The following LRP1B variants were observed in gnomAD, a reference collection of about 807,000 sequenced individuals.
LRP1B encodes low-density lipoprotein receptor-related protein 1B.
In LRP1B, 217 loss-of-function variants were observed where a neutral mutation model predicts 556.6. The ratio of observed to expected loss-of-function variants is 0.39; its 90% CI spans 0.35 to 0.44. The LOEUF is 0.44. LRP1B is among the 20% of genes least tolerant of loss of function. LRP1B has a pLI of 1.00. For missense variants in LRP1B, 5,053 were observed against 5,620.8 expected (o/e 0.90, Z 3.23); for synonymous variants, 2,047 against 1,865.8 (o/e 1.10, Z -2.50).
chr2:140,647,573 G>A (rs946875878), intron 41 of LRP1B, among the ~76,000 whole-genome samples: 4 of 152,194 alleles, frequency 2.6e-5, no homozygotes, highest in African/African-American at 9.6e-5. Context: ...TGGGCATTCA[G>A]TCTAACCATG....
chr2:140,653,360 A>G (rs1175106039), intron 41 of LRP1B, among the ~76,000 whole-genome samples: 1 of 152,104 alleles, frequency 6.6e-6, no homozygotes, highest in Non-Finnish European at 1.5e-5. Flanking sequence ...TCTTAAGGGA[A>G]TATATTGGTG....
intron 2 of LRP1B, among the ~76,000 whole-genome samples, chr2:141,486,482 T>C (rs888291386): frequency 6.6e-6 from 1 of 152,120 alleles, no homozygotes; most frequent in African/African-American, 2.4e-5. Context: ...AGATAGCATG[T>C]TTTGTGGAGA....
chr2:140,656,328 C>G (rs1018539381), intron 41 of LRP1B, among the ~76,000 whole-genome samples: 1 of 152,142 alleles, frequency 6.6e-6, no homozygotes, highest in African/African-American at 2.4e-5. Flanking sequence ...GGTGATTGCA[C>G]ATTACTTTGG....
At chr2:140,734,396 G>C (rs917418970) in intron 35 of LRP1B, among the ~76,000 whole-genome samples, 2 of 152,184 alleles carry the variant, frequency 1.3e-5, no homozygotes, top group Non-Finnish European at 2.9e-5. Flanking sequence ...GAGAATGATA[G>C]AGAAGAGTCA....
intron 83 of LRP1B, among the ~76,000 whole-genome samples, chr2:140,301,239 G>T (rs1303030529): frequency 6.6e-6 from 1 of 151,806 alleles, no homozygotes; most frequent in Non-Finnish European, 1.5e-5. Flanking sequence ...AAACCAAAAA[G>T]CAAATCTAAT....
intron 21 of LRP1B, among the ~76,000 whole-genome samples, chr2:140,919,005 T>G (rs1026689520): frequency 6.6e-6 from 1 of 152,020 alleles, no homozygotes; most frequent in Non-Finnish European, 1.5e-5. Flanking sequence ...CTTAGTCATT[T>G]TGGGAGTAAT....
intron 7 of LRP1B, among the ~76,000 whole-genome samples, chr2:141,133,147 T>C (rs1701401704): frequency 6.6e-6 from 1 of 152,008 alleles, no homozygotes; most frequent in African/African-American, 2.4e-5. Flanking sequence ...GAAAGTCAGT[T>C]AGCACCACAG....
chr2:142,128,529 T>C (rs2105024281), intron 1 of LRP1B, among the ~76,000 whole-genome samples: 1 of 152,324 alleles, frequency 6.6e-6, no homozygotes, highest in South Asian at 2.1e-4. Context: ...TTTCTTAACT[T>C]TCAACAAGAT....
At chr2:140,504,400 G>T (rs984365742) in intron 53 of LRP1B, among the ~76,000 whole-genome samples, 2 of 152,068 alleles carry the variant, frequency 1.3e-5, no homozygotes, top group African/African-American at 2.4e-5. Flanking sequence ...CCTTCTGTAT[G>T]AAATCCTCTC....
intron 32 of LRP1B, among the ~76,000 whole-genome samples, chr2:140,811,790 T>C (rs766327869): frequency 6.6e-6 from 1 of 152,122 alleles, no homozygotes; most frequent in African/African-American, 2.4e-5. Flanking sequence ...TATGAAACAA[T>C]TGTCAATAAA....
At chr2:141,838,559 T>C (rs1317599333) in intron 1 of LRP1B, among the ~76,000 whole-genome samples, 1 of 152,184 alleles carries the variant, frequency 6.6e-6, no homozygotes, top group Non-Finnish European at 1.5e-5. Context: ...ATAGTCAACA[T>C]ATTTAGACAT....
At chr2:141,030,164 T>G (rs1383925249) in intron 11 of LRP1B, among the ~76,000 whole-genome samples, 1 of 152,148 alleles carries the variant, frequency 6.6e-6, no homozygotes, top group African/African-American at 2.4e-5. Flanking sequence ...GTTATGTTTC[T>G]GTGGCTAGTA....
intron 73 of LRP1B, 52 bp from the exon 74 acceptor site, chr2:140,358,168 T>C: frequency 6.5e-7 from 1 of 1,542,736 alleles, no homozygotes; most frequent in Non-Finnish European, 8.9e-7. Flanking sequence ...AAAACACTCT[T>C]ATTGAGCATG....
chr2:141,252,322 A>G (rs140150833), intron 4 of LRP1B, among the ~76,000 whole-genome samples: 56 of 152,264 alleles, frequency 3.7e-4, no homozygotes, highest in Middle Eastern at 3.4e-3. Flanking sequence ...CTAAGAAAAG[A>G]GCTTACCATG....
intron 3 of LRP1B, among the ~76,000 whole-genome samples, chr2:141,423,019 T>C (rs1680196545): frequency 6.6e-6 from 1 of 152,204 alleles, no homozygotes; most frequent in Non-Finnish European, 1.5e-5. Context: ...ATTACCTTTT[T>C]TTATGACAGG....
At chr2:140,553,625 C>T (rs1680625924) in intron 43 of LRP1B, among the ~76,000 whole-genome samples, 1 of 152,000 alleles carries the variant, frequency 6.6e-6, no homozygotes, top group African/African-American at 2.4e-5. Context: ...AAGATTGTAT[C>T]AGTTAAGCCT....
At chr2:141,711,503 C>T (rs1692355658) in intron 2 of LRP1B, among the ~76,000 whole-genome samples, 1 of 152,128 alleles carries the variant, frequency 6.6e-6, no homozygotes, top group Non-Finnish European at 1.5e-5. Context: ...CATGAGACAG[C>T]AAGAGCCATG....
At chr2:141,471,269 T>TGG (rs58189454) in intron 3 of LRP1B, among the ~76,000 whole-genome samples, 9 of 119,374 alleles carry the variant, frequency 7.5e-5, no homozygotes, top group African/African-American at 2.8e-4. Flanking sequence ...TACCCTGGTA[T>TGG]TTTTTTTTTT....
chr2:141,817,346 T>C (rs1696595644), intron 1 of LRP1B, among the ~76,000 whole-genome samples: 1 of 152,122 alleles, frequency 6.6e-6, no homozygotes, highest in African/African-American at 2.4e-5. Flanking sequence ...AATAATAGAT[T>C]CTTGCAATCA....
Sources: gnomAD v4.1 joint callset for allele counts (sites outside exome capture counted in the v4.1 genomes callset) on GRCh38, gnomAD v4.1.1 for gene constraint, MANE v1.5 for transcripts, NCBI Gene and HGNC (gene_info 2026-07-23, HGNC 2026-07-21) for gene names.